The following VWC2 variants were observed in gnomAD, a reference collection of about 807,000 sequenced individuals.
VWC2 encodes the protein brorin.
Under a neutral mutation model 29.8 loss-of-function variants are expected in VWC2, and 14 were observed. The ratio of observed to expected loss-of-function variants is 0.47; its 90% CI spans 0.31 to 0.74. The LOEUF (loss-of-function observed/expected upper bound fraction) is 0.74, where lower values mean the gene tolerates loss of function less well. VWC2 is among the 30% of genes least tolerant of loss of function. The pLI is 0.05. For synonymous variants in VWC2, 213 were observed against 199.0 expected, an observed-to-expected ratio of 1.07 and a Z score of -0.59; for missense variants, 457 against 459.8, an observed-to-expected ratio of 0.99 and a Z score of 0.05.
At chr7:49,801,231 T>C (rs1357913626) in intron 2 of VWC2, among the ~76,000 whole-genome samples, 2 of 152,222 alleles carry the variant, frequency 1.3e-5, no homozygotes, top group Admixed American at 6.5e-5. Flanking sequence ...GAGTTACTCA[T>C]GTTCTTTACC....
chr7:49,824,830 T>C (rs894519135), intron 3 of VWC2, among the ~76,000 whole-genome samples: 1 of 152,176 alleles, frequency 6.6e-6, no homozygotes, highest in African/African-American at 2.4e-5. Flanking sequence ...CAGTTGTTTG[T>C]TCCTTCAGTA....
chr7:49,803,965 A>G (rs1368925070), intron 3 of VWC2, among the ~76,000 whole-genome samples: 1 of 152,184 alleles, frequency 6.6e-6, no homozygotes, highest in African/African-American at 2.4e-5. Context: ...GAACAAGATG[A>G]CTGTGTTAGG....
At chr7:49,786,592 C>A (rs1788303360) in intron 2 of VWC2, among the ~76,000 whole-genome samples, 1 of 152,196 alleles carries the variant, frequency 6.6e-6, no homozygotes, top group South Asian at 2.1e-4. Flanking sequence ...AATTTACATT[C>A]CCTCCAACAG....
At chr7:49,815,280 G>A (rs1029935682) in intron 3 of VWC2, among the ~76,000 whole-genome samples, 1 of 152,116 alleles carries the variant, frequency 6.6e-6, no homozygotes, top group Non-Finnish European at 1.5e-5. Flanking sequence ...AGGGAGAGAG[G>A]GGGAAGAAGT....
intron 2 of VWC2, among the ~76,000 whole-genome samples, chr7:49,799,155 G>A (rs758097862): frequency 6.6e-6 from 1 of 152,226 alleles, no homozygotes; most frequent in African/African-American, 2.4e-5. Context: ...AGTGATCAGG[G>A]CCCAACACTG....
At chr7:49,900,553 C>A (rs547352735) in intron 3 of VWC2, among the ~76,000 whole-genome samples, 13 of 151,722 alleles carry the variant, frequency 8.6e-5, no homozygotes, top group African/African-American at 3.1e-4. Context: ...GTTTAATAAT[C>A]AAGATGAAAT....
At position 49,894,287 on chromosome 7, in the gene VWC2, G is replaced by A. The variant is rs572626402; in HGVS notation, c.827-17747G>A. Among the ~76,000 whole-genome samples the A allele has an allele frequency of 3.3e-5, 5 of 152,284 alleles. No individual in the cohort carries two copies. The East Asian group carries it at 9.7e-4, about 29-fold the overall frequency. On this transcript the variant is annotated intron_variant, in intron 3 of 3. Transcript: ENST00000340652. Reference sequence around the variant, plus strand: ...CCCTCCCACCTCAGCCTCCTGAATAGCTGGGATTATAGATAGCACCGCCAT... The same window carrying A: ...CCCTCCCACCTCAGCCTCCTGAATAACTGGGATTATAGATAGCACCGCCAT...
chr7:49,866,296 TG>T (rs1790888288), intron 3 of VWC2, among the ~76,000 whole-genome samples: 1 of 152,222 alleles, frequency 6.6e-6, no homozygotes, highest in African/African-American at 2.4e-5. Context: ...TGTCTTGCTA[TG>T]GCCTAACACT....
chr7:49,801,320 C>A, intron 2 of VWC2, among the ~76,000 whole-genome samples: 1 of 152,356 alleles, frequency 6.6e-6, no homozygotes, highest in East Asian at 1.9e-4. Context: ...AGCAGGAACT[C>A]AGCTTGATAC....
At chr7:49,891,871 A>C (rs936208718) in intron 3 of VWC2, among the ~76,000 whole-genome samples, 2 of 152,168 alleles carry the variant, frequency 1.3e-5, no homozygotes, top group Non-Finnish European at 2.9e-5. Flanking sequence ...ACTTTCTGCT[A>C]TTGATAGATA....
chr7:49,860,412 T>C (rs1372111994), intron 3 of VWC2, among the ~76,000 whole-genome samples: 1 of 152,258 alleles, frequency 6.6e-6, no homozygotes, highest in Non-Finnish European at 1.5e-5. Flanking sequence ...TTCATCCAAC[T>C]TGTAGCATGG....
chr7:49,787,453 T>C (rs936257977), intron 2 of VWC2, among the ~76,000 whole-genome samples: 3 of 152,232 alleles, frequency 2.0e-5, no homozygotes, highest in African/African-American at 7.2e-5. Flanking sequence ...TTCCTCTTGA[T>C]ATGCCAGGAG....
intron 3 of VWC2, among the ~76,000 whole-genome samples, chr7:49,860,202 A>C (rs1404313190): frequency 6.6e-6 from 1 of 151,994 alleles, no homozygotes. Context: ...TATTTCCAAA[A>C]TTTTTCATCA....
intron 3 of VWC2, among the ~76,000 whole-genome samples, chr7:49,806,527 G>A (rs1788881708): frequency 1.3e-5 from 2 of 152,120 alleles, no homozygotes; most frequent in Non-Finnish European, 2.9e-5. Flanking sequence ...TTTTTTGGAG[G>A]AAAGTGAAAA....
At chr7:49,807,278 G>A (rs1396155124) in intron 3 of VWC2, among the ~76,000 whole-genome samples, 1 of 152,130 alleles carries the variant, frequency 6.6e-6, no homozygotes, top group Non-Finnish European at 1.5e-5. Context: ...GTTTTCTGTA[G>A]CAATTATCAA....
At chr7:49,898,145 G>A (rs756416245) in intron 3 of VWC2, among the ~76,000 whole-genome samples, 1 of 151,842 alleles carries the variant, frequency 6.6e-6, no homozygotes, top group Non-Finnish European at 1.5e-5. Context: ...ATGTGTGTGT[G>A]TATATATATG....
intron 3 of VWC2, among the ~76,000 whole-genome samples, chr7:49,856,956 G>A (rs1385887514): frequency 7.7e-6 from 1 of 130,336 alleles, no homozygotes; most frequent in Non-Finnish European, 1.6e-5. Context: ...CTTTCAGTGA[G>A]CTGAGATCGG....
intron 2 of VWC2, among the ~76,000 whole-genome samples, chr7:49,784,041 G>C (rs1304565485): frequency 2.0e-5 from 3 of 152,168 alleles, no homozygotes; most frequent in Non-Finnish European, 4.4e-5. Context: ...ATGGAGGATA[G>C]CCTGACAACT....
intron 3 of VWC2, among the ~76,000 whole-genome samples, chr7:49,908,277 A>C (rs956251144): frequency 1.3e-5 from 2 of 152,156 alleles, no homozygotes; most frequent in African/African-American, 2.4e-5. Flanking sequence ...CAACGCCTAC[A>C]TTTCATCATG....
Sources: gnomAD v4.1 joint callset for allele counts (sites outside exome capture counted in the v4.1 genomes callset) on GRCh38, gnomAD v4.1.1 for gene constraint, MANE v1.5 for transcripts, NCBI Gene and HGNC (gene_info 2026-07-23, HGNC 2026-07-21) for gene names.